The following CENPC variants were observed in gnomAD, a reference collection of about 807,000 sequenced individuals.
CENPC encodes the protein CENP-C 1.
In CENPC, 63 loss-of-function variants were observed where a neutral mutation model predicts 112.1. That is an observed-to-expected ratio of 0.56 (90% CI 0.46 to 0.69). CENPC has a LOEUF of 0.69. Ranked by LOEUF, CENPC falls within the 30% of genes least tolerant of loss-of-function variation. CENPC has a pLI of 0.00. For synonymous variants in CENPC, 333 were observed against 367.6 expected (o/e 0.91, Z 1.08); for missense variants, 1,000 against 1,103.8 (o/e 0.91, Z 1.33).
chr4:67,482,468 A>G (rs1199577549), intron 17 of CENPC, among the ~76,000 whole-genome samples: 1 of 152,258 alleles, frequency 6.6e-6, no homozygotes, highest in Non-Finnish European at 1.5e-5. Context: ...ATAGCAGCAT[A>G]ATGTGCAACT....
intron 7 of CENPC, among the ~76,000 whole-genome samples, chr4:67,515,788 A>C (rs949924929): frequency 1.3e-5 from 2 of 152,008 alleles, no homozygotes; most frequent in Admixed American, 1.3e-4. Flanking sequence ...GAAAGGTAGC[A>C]TAAGCACAAA....
At chr4:67,483,808 T>A (rs556115885) in intron 17 of CENPC, among the ~76,000 whole-genome samples, 2 of 152,156 alleles carry the variant, frequency 1.3e-5, no homozygotes, top group South Asian at 4.1e-4. Flanking sequence ...AAAAAGCTTA[T>A]AGAATAAGGA....
At chr4:67,487,674 T>C (rs1725130098) in intron 17 of CENPC, among the ~76,000 whole-genome samples, 1 of 151,728 alleles carries the variant, frequency 6.6e-6, no homozygotes, top group Non-Finnish European at 1.5e-5. Flanking sequence ...ATTCTTATTA[T>C]TTGTATTTAG....
In CENPC at chr4:67,492,238, TC is replaced by T; in HGVS notation, c.2456del (p.Gly819GlufsTer9). The T allele has an allele frequency of 6.4e-7, 1 of 1,568,148 alleles. No individual in the cohort carries two copies. The highest frequency in any genetic ancestry group is 8.7e-7 in the Non-Finnish European group (1 of 1,154,288). ...NLMVNLGIPLGDPLQPTRVKD... is the reference protein window; with the variant it reads ...NLMVNLGIPLXDPLQPTRVKD... ...TTACCCTCGTTGGCTGCAAAGGATCTCCAAGAGGTATACCTAGATTTACCAT... is the reference window on the plus strand; with the variant it reads ...TTACCCTCGTTGGCTGCAAAGGATCTCAAGAGGTATACCTAGATTTACCAT... On this transcript the variant is annotated frameshift_variant, in exon 16 of 19. Coordinates refer to ENST00000273853, the MANE Select transcript of CENPC (RefSeq NM_001812.4). LOFTEE classifies it high-confidence loss of function.
intron 9 of CENPC, chr4:67,512,160 A>G (rs906121259): frequency 5.4e-6 from 2 of 367,964 alleles, no homozygotes; most frequent in African/African-American, 4.3e-5. Context: ...TGCAAGCTCC[A>G]TGAAAGCAGG....
Position 67,517,027 on chromosome 4 carries a change from G to A in CENPC, c.830+1129C>T, listed in dbSNP as rs187681827. 3.6e-3 allele frequency among the ~76,000 whole-genome samples: 545 copies of A among 151,978 alleles called. 15 individuals are homozygous for A. The highest frequency in any genetic ancestry group is 0.012 in the African/African-American group (505 of 41,332). ...TATATAATTAGCCCACAAGTATAACGCATTTGTTTCAGATGGTGGTGACAA... is the reference window on the plus strand; with the variant it reads ...TATATAATTAGCCCACAAGTATAACACATTTGTTTCAGATGGTGGTGACAA... On this transcript the variant is annotated intron_variant, in intron 7 of 18. Transcript: ENST00000273853.
At chr4:67,537,492 T>C (rs1187293994) in intron 4 of CENPC, among the ~76,000 whole-genome samples, 1 of 152,010 alleles carries the variant, frequency 6.6e-6, no homozygotes, top group Non-Finnish European at 1.5e-5. Flanking sequence ...CCTGCCTCTG[T>C]AAAGAAAAAT....
At chr4:67,544,569 AT>A (rs1326887566) in intron 1 of CENPC, among the ~76,000 whole-genome samples, 1 of 152,206 alleles carries the variant, frequency 6.6e-6, no homozygotes, top group Non-Finnish European at 1.5e-5. Context: ...GAAGCTGAAG[AT>A]TTTCTTAGAA....
chr4:67,535,149 A>G (rs1364180292), intron 4 of CENPC, among the ~76,000 whole-genome samples: 1 of 152,020 alleles, frequency 6.6e-6, no homozygotes, highest in African/African-American at 2.4e-5. Flanking sequence ...ATATGAAAAA[A>G]TATATATTAT....
intron 10 of CENPC, among the ~76,000 whole-genome samples, chr4:67,507,463 A>G (rs1725767600): frequency 6.6e-6 from 1 of 152,180 alleles, no homozygotes; most frequent in Non-Finnish European, 1.5e-5. Context: ...AAGAAATAAA[A>G]GTGATTACAA....
At chr4:67,492,688 T>G (rs1725317300) in intron 15 of CENPC, 181 bp downstream of exon 15, 9 of 1,035,786 alleles carry the variant, frequency 8.7e-6, no homozygotes, top group Non-Finnish European at 1.2e-5. Context: ...TAATAATTTT[T>G]TAAGAATAAA....
chr4:67,491,817 A>T (rs1312236369), intron 16 of CENPC, among the ~76,000 whole-genome samples: 3 of 152,116 alleles, frequency 2.0e-5, no homozygotes, highest in Non-Finnish European at 4.4e-5. Context: ...CTTCATGATA[A>T]GCGTATCCTT....
At chr4:67,524,947 C>T (rs180801790) in intron 5 of CENPC, among the ~76,000 whole-genome samples, 39 of 152,208 alleles carry the variant, frequency 2.6e-4, no homozygotes, top group Admixed American at 1.8e-3. Flanking sequence ...CTACAGTAAC[C>T]AAAACAGCTT....
chr4:67,545,474 C>G lies in CENPC; in HGVS notation c.-119G>C. 9.3e-7 allele frequency: 1 copy of G among 1,077,910 alleles called. No individual in the cohort carries two copies. The allele number at this position is 1,077,910 out of a possible 1,614,324, so 66.8% of individuals were successfully genotyped here. A position where few individuals can be genotyped will look rare whatever the true frequency, so the allele number is the denominator to read the frequency against. ...TACCAGGCCGCGGCCAAGCAATAAC[C>G]TTAAGTCTCAGGCGACTGCCGCGAG... On this transcript the variant is annotated 5_prime_UTR_variant, in exon 1 of 19. Coordinates refer to ENST00000273853, the MANE Select transcript of CENPC (RefSeq NM_001812.4).
intron 5 of CENPC, among the ~76,000 whole-genome samples, chr4:67,524,067 A>C (rs1726304538): frequency 6.6e-6 from 1 of 152,044 alleles, no homozygotes; most frequent in Non-Finnish European, 1.5e-5. Flanking sequence ...AAAGAGCAGA[A>C]ATCAATAAAA....
intron 13 of CENPC, 97 bp downstream of exon 13, chr4:67,495,062 G>GT: frequency 8.7e-7 from 1 of 1,144,894 alleles, no homozygotes; most frequent in Non-Finnish European, 1.2e-6. Context: ...CCACATAATC[G>GT]TATTTCTCCT....
intron 4 of CENPC, among the ~76,000 whole-genome samples, chr4:67,535,911 G>T (rs1726705407): frequency 6.6e-6 from 1 of 152,122 alleles, no homozygotes; most frequent in African/African-American, 2.4e-5. Flanking sequence ...AGACTAAAAA[G>T]TTGGACTTGG....
chr4:67,529,389 A>G (rs1420308561), intron 5 of CENPC, among the ~76,000 whole-genome samples: 2 of 152,016 alleles, frequency 1.3e-5, no homozygotes, highest in Non-Finnish European at 2.9e-5. Context: ...CAGTGGCGCA[A>G]TCTTCGGCTC....
intron 17 of CENPC, among the ~76,000 whole-genome samples, chr4:67,482,055 A>T (rs910156477): frequency 1.3e-5 from 2 of 152,210 alleles, no homozygotes; most frequent in African/African-American, 4.8e-5. Flanking sequence ...CATGGAACTC[A>T]AACAAATCAG....
Sources: gnomAD v4.1 joint callset for allele counts (sites outside exome capture counted in the v4.1 genomes callset) on GRCh38, gnomAD v4.1.1 for gene constraint, MANE v1.5 for transcripts, NCBI Gene and HGNC (gene_info 2026-07-23, HGNC 2026-07-21) for gene names.